The following USP36 variants were observed in gnomAD, a reference collection of about 807,000 sequenced individuals.
USP36 encodes the protein ubiquitin carboxyl-terminal hydrolase 36.
A neutral mutation model predicts 111.5 loss-of-function variants in USP36; 59 were observed. The ratio of observed to expected loss-of-function variants is 0.53; its 90% CI spans 0.43 to 0.66. The LOEUF is 0.66. Among genes scored for constraint, USP36 ranks in the 30% least tolerant of loss-of-function variants. USP36 has a pLI of 0.00. For synonymous variants in USP36, 628 were observed against 581.0 expected (o/e 1.08, Z -1.16); for missense variants, 1,488 against 1,468.0 (o/e 1.01, Z -0.22).
chr17:78,788,096 AGCCTCAGGAAGC>A (rs1485437368), intron 3 of USP36, among the ~76,000 whole-genome samples: 21 of 152,324 alleles, frequency 1.4e-4, no homozygotes, highest in African/African-American at 5.1e-4. Context: ...TTGTTATGGC[AGCCTCAGGAAGC>A]GAGTACATGA....
At chr17:78,793,757 C>T (rs145346267), downstream of USP36, among the ~76,000 whole-genome samples, 2 of 152,136 alleles carry the variant, frequency 1.3e-5, no homozygotes, top group Admixed American at 1.3e-4. Context: ...GTCACTATTA[C>T]AGTTATGATG....
At chr17:78,837,892 A>C (rs563247199) in intron 2 of USP36, among the ~76,000 whole-genome samples, 7 of 152,178 alleles carry the variant, frequency 4.6e-5, no homozygotes, top group Non-Finnish European at 1.0e-4. Context: ...ATCTAATTCT[A>C]TACATGGATC....
chr17:78,811,487 G>T (rs1052817213), intron 13 of USP36, among the ~76,000 whole-genome samples: 5 of 152,094 alleles, frequency 3.3e-5, no homozygotes, highest in Non-Finnish European at 7.4e-5. Flanking sequence ...TATTTCCAAA[G>T]AACAAAGACA....
chr17:78,789,789 A>T (rs1383898078), intron 3 of USP36, among the ~76,000 whole-genome samples: 2 of 152,232 alleles, frequency 1.3e-5, no homozygotes, highest in Non-Finnish European at 2.9e-5. Context: ...CTAGTGCTCT[A>T]GTTCCTGCTA....
Position 78,818,715 on chromosome 17 carries a change from G to A in USP36, c.975C>T (p.Thr325=). ...FTIHRTSNVL[T]LSLKRFANFS... ...AGTTGGCAAAGCGCTTGAGGGAAAG[G>A]GTTAAGACGTTGGATGTTCTGTGGA... The change falls in exon 10 of 21, where the codon ACC becomes ACT. Residue 325 remains threonine, a synonymous_variant. Transcript: ENST00000449938. 6.2e-7 allele frequency: 1 copy of A among 1,614,006 alleles called. No individual in the cohort carries two copies. Among genetic ancestry groups the A allele is most frequent in the Non-Finnish European group, 8.5e-7 (1 of 1,179,898 alleles).
At chr17:78,841,047 G>C (rs1162600123), upstream of USP36, 1 of 152,346 alleles carries the variant, frequency 6.6e-6, no homozygotes, top group Admixed American at 6.5e-5. Context: ...AGGCGCTCCC[G>C]CCCCTGTGCC....
intron 3 of USP36, among the ~76,000 whole-genome samples, chr17:78,789,230 G>A (rs1216354295): frequency 6.7e-6 from 1 of 149,200 alleles, no homozygotes; most frequent in Non-Finnish European, 1.5e-5. Flanking sequence ...AGGAGATGAG[G>A]TTTAGCTGGG....
downstream of USP36, among the ~76,000 whole-genome samples, chr17:78,792,882 AT>A (rs1291034908): frequency 2.0e-5 from 3 of 151,972 alleles, no homozygotes; most frequent in African/African-American, 7.3e-5. Flanking sequence ...AGCCCAGCTA[AT>A]TTTTGTATTT....
chr17:78,834,580 G>T lies in USP36; in HGVS notation c.475+700C>A, dbSNP rs370522648. Among the ~76,000 whole-genome samples, 7 of 151,978 alleles carry T rather than the reference G, an allele frequency of 4.6e-5. No individual in the cohort carries two copies. The East Asian group carries it at 9.7e-4, about 21-fold the overall frequency. On this transcript the variant is annotated intron_variant, in intron 4 of 20. Transcript: ENST00000449938. ...TCCTGCTTCAGCCTCCCGAGCAGCT[G>T]GGATTACAGGTGCACCCCATCACGC...
chr17:78,799,869 A>C, intron 17 of USP36, 101 bp from the exon 18 acceptor site: 8 of 270,280 alleles, frequency 3.0e-5, no homozygotes, highest in East Asian at 9.1e-5. Flanking sequence ...CAGTAAGTGG[A>C]TGCTTGCCTT....
At chr17:78,836,693 T>A (rs937193847) in intron 2 of USP36, among the ~76,000 whole-genome samples, 1 of 152,130 alleles carries the variant, frequency 6.6e-6, no homozygotes. Flanking sequence ...GCTCTGGACA[T>A]CATTCTTGGT....
At position 78,803,647 on chromosome 17, in the gene USP36, T is replaced by G. The variant is rs202054047; in HGVS notation, c.2548A>C (p.Lys850Gln). 531 of 1,609,090 alleles carry G rather than the reference T, an allele frequency of 3.3e-4. No individual in the cohort carries two copies. Among genetic ancestry groups the G allele is most frequent in the Non-Finnish European group, 4.2e-4 (497 of 1,178,362 alleles). The change falls in exon 16 of 21, where the codon AAG becomes CAG. Residue 850 changes from lysine (K) to glutamine (Q), a missense_variant. Physicochemically the swap from Lys to Gln is moderately conservative, Grantham distance 53 (BLOSUM62 1). Transcript: ENST00000449938. The surrounding 1 kb of genome is among the most constrained non-coding windows in gnomAD (Gnocchi z 4.6). ...CTGGCAGCTGTGTCCTCCGGGCGCT[T>G]CTTCTTCTTCCTCTTCCTCTTCCCG... The part of the protein sequence containing the change: ...PHGKRKRKKK[K>Q]RPEDTAASAL...
intron 10 of USP36, among the ~76,000 whole-genome samples, chr17:78,816,300 T>C (rs186672577): frequency 3.4e-3 from 512 of 152,030 alleles, no homozygotes; most frequent in Non-Finnish European, 5.1e-3. Context: ...GCTGGGACTA[T>C]AGGCACGCGC....
downstream of USP36, chr17:78,791,782 C>T (rs1421569917): frequency 2.0e-5 from 3 of 152,166 alleles, no homozygotes; most frequent in Non-Finnish European, 4.4e-5. Flanking sequence ...TGATTAGATT[C>T]TGGTTTCTTG....
intron 6 of USP36, among the ~76,000 whole-genome samples, chr17:78,826,234 A>C (rs1441226463): frequency 6.6e-6 from 1 of 152,210 alleles, no homozygotes; most frequent in Non-Finnish European, 1.5e-5. Context: ...AAGTGATTTA[A>C]GTAAGTTTTC....
At chr17:78,804,625 T>TTA (rs1555625960) in intron 15 of USP36, among the ~76,000 whole-genome samples, 4 of 38,342 alleles carry the variant, frequency 1.0e-4, no homozygotes, top group African/African-American at 4.8e-4. Context: ...CCCTGAGATT[T>TTA]AAAAAAAAAA....
intron 4 of USP36, among the ~76,000 whole-genome samples, chr17:78,830,981 C>T (rs1287411919): frequency 1.3e-5 from 2 of 151,824 alleles, no homozygotes; most frequent in African/African-American, 4.8e-5. Context: ...AATCCCAGCA[C>T]TTTGGGAGGC....
chr17:78,807,720 T>C (rs1384554748), intron 13 of USP36, 84 bp from the exon 14 acceptor site: 5 of 1,354,714 alleles, frequency 3.7e-6, no homozygotes, highest in Non-Finnish European at 4.9e-6. Context: ...CAGTGAATCT[T>C]AGTAGCAGGC....
Position 78,814,690 on chromosome 17 carries a change from C to T in USP36, c.1024-138G>A, listed in dbSNP as rs147938729. ...TTTGGGGGCCGGGCACAGTGGCTCA[C>T]GCCTGTAATCCCAGCACTTTGGGAG... On this transcript the variant is annotated intron_variant, in intron 10 of 20. Coordinates refer to ENST00000449938, the MANE Select transcript of USP36 (RefSeq NM_001385174.1). 1.4e-4 allele frequency: 145 copies of T among 1,054,076 alleles called. 1 individual carries two copies. The African/African-American group carries it at 1.9e-3, about 14-fold the overall frequency. 65.3% of individuals were successfully genotyped at this position (1,054,076 alleles called of 1,614,324 possible).
Sources: gnomAD v4.1 joint callset for allele counts (sites outside exome capture counted in the v4.1 genomes callset) on GRCh38, gnomAD v4.1.1 for gene constraint, Gnocchi (gnomAD v3.1) non-coding constraint, MANE v1.5 for transcripts, NCBI Gene and HGNC (gene_info 2026-07-23, HGNC 2026-07-21) for gene names.